The following FRMPD4 variants were observed in gnomAD, a reference collection of about 807,000 sequenced individuals.
FRMPD4 encodes the protein FERM and PDZ domain-containing protein 4.
FRMPD4 carries 22 observed loss-of-function variants against 94.1 expected under a neutral mutation model. The observed-to-expected ratio is 0.23, with a 90% CI of 0.17 to 0.33. The LOEUF is 0.33. Ranked by LOEUF, FRMPD4 falls within the 10% of genes least tolerant of loss-of-function variation. The pLI is 1.00. For missense variants in FRMPD4, 1,111 were observed against 1,339.9 expected, an observed-to-expected ratio of 0.83 and a Z score of 2.67; for synonymous variants, 631 against 548.6, an observed-to-expected ratio of 1.15 and a Z score of -2.10.
At chrX:12,233,080 C>T (rs978541930) in intron 1 of FRMPD4, among the ~76,000 whole-genome samples, 3 of 112,122 alleles carry the variant, frequency 2.7e-5, no homozygotes, top group South Asian at 3.7e-4. Context: ...TCCCACTCTA[C>T]GCTCTTGTTC....
chrX:12,481,972 G>A (rs866006481), intron 1 of FRMPD4, among the ~76,000 whole-genome samples: 4,947 of 34,563 alleles, frequency 0.14, 3 homozygotes, highest in Non-Finnish European at 0.18. Context: ...AAAAAAAAAA[G>A]AAAGTGTTAT....
chrX:12,417,993 CA>C (rs757060426), intron 1 of FRMPD4, among the ~76,000 whole-genome samples: 92 of 34,050 alleles, frequency 2.7e-3, no homozygotes, highest in Middle Eastern at 0.038. Flanking sequence ...GACTCTGTCT[CA>C]AAAAAAAAAA....
rs1286648535 is a variant in FRMPD4, at chrX:12,040,547, G to A, written c.95+162529G>A. ...TCATTATTGATATAGTTGGATTTATGTCTGCCTTTTTTTTTTTTTTTTTTT... is the reference window on the plus strand; with the variant it reads ...TCATTATTGATATAGTTGGATTTATATCTGCCTTTTTTTTTTTTTTTTTTT... On this transcript the variant is annotated intron_variant, in intron 3 of 18. Transcript: ENST00000640291. 3.5e-5 allele frequency among the ~76,000 whole-genome samples: 3 copies of A among 86,584 alleles called. No homozygotes were observed. In the Admixed American group the frequency reaches 4.0e-4, roughly 12 times the overall value. 75.2% of individuals were successfully genotyped at this position (86,584 alleles called of 115,157 possible). A position where few individuals can be genotyped will look rare whatever the true frequency, so the allele number is the denominator to read the frequency against.
intron 1 of FRMPD4, among the ~76,000 whole-genome samples, chrX:12,315,971 G>A (rs992880712): frequency 1.8e-5 from 2 of 111,555 alleles, no homozygotes; most frequent in African/African-American, 3.3e-5. Flanking sequence ...CCATAATAAA[G>A]AATTATCTAG....
chrX:12,116,040 A>G (rs914547583), intron 3 of FRMPD4, among the ~76,000 whole-genome samples: 1 of 112,377 alleles, frequency 8.9e-6, no homozygotes, highest in Admixed American at 9.4e-5. Context: ...GTTCCCCATC[A>G]GTCTTACTAT....
chrX:11,974,326 C>G (rs756957666), intron 3 of FRMPD4, among the ~76,000 whole-genome samples: 2 of 110,788 alleles, frequency 1.8e-5, no homozygotes, highest in South Asian at 7.9e-4. Context: ...CAGAGCCTGG[C>G]ACCTCCCACT....
At chrX:12,221,521 T>G (rs1460310558) in intron 1 of FRMPD4, among the ~76,000 whole-genome samples, 5 of 112,277 alleles carry the variant, frequency 4.5e-5, no homozygotes, top group Non-Finnish European at 9.4e-5. Context: ...AAGAGGTGAT[T>G]ACTGTGAGCT....
chrX:11,894,450 A>G (rs1322540158), intron 3 of FRMPD4, among the ~76,000 whole-genome samples: 1 of 112,518 alleles, frequency 8.9e-6, no homozygotes, highest in African/African-American at 3.2e-5. Context: ...ATTGGAATGT[A>G]CAAATGAAAG....
At chrX:11,880,673 C>T (rs183183435) in intron 3 of FRMPD4, among the ~76,000 whole-genome samples, 18 of 111,338 alleles carry the variant, frequency 1.6e-4, no homozygotes, top group Admixed American at 1.4e-3. Flanking sequence ...GACAGAGTCT[C>T]ACTCTGTCAC....
intron 3 of FRMPD4, among the ~76,000 whole-genome samples, chrX:12,045,600 C>T (rs2054780975): frequency 9.0e-6 from 1 of 110,770 alleles, no homozygotes; most frequent in African/African-American, 3.3e-5. Context: ...CTGCAAGAGC[C>T]CATGTTGAGA....
chrX:12,126,441 T>C (rs1270581685), intron 3 of FRMPD4, among the ~76,000 whole-genome samples: 1 of 111,179 alleles, frequency 9.0e-6, no homozygotes, highest in Non-Finnish European at 1.9e-5. Context: ...TTATGAGAGG[T>C]AGATTTTAGT....
At chrX:12,622,009 A>AG (rs1491481105) in intron 4 of FRMPD4, among the ~76,000 whole-genome samples, 57 of 50,666 alleles carry the variant, frequency 1.1e-3, no homozygotes, top group East Asian at 3.3e-3. Flanking sequence ...AAAGAAAGAA[A>AG]GAAAGAAAGG....
intron 1 of FRMPD4, among the ~76,000 whole-genome samples, chrX:12,276,931 C>T (rs771877352): frequency 1.8e-5 from 2 of 109,236 alleles, no homozygotes; most frequent in East Asian, 5.7e-4. Flanking sequence ...ACCATCCCGG[C>T]TAAAATGGTG....
intron 1 of FRMPD4, among the ~76,000 whole-genome samples, chrX:12,198,087 A>C (rs759326233): frequency 8.9e-6 from 1 of 112,224 alleles, no homozygotes; most frequent in South Asian, 3.7e-4. Context: ...AAACATATAC[A>C]GATTAATTCT....
At chrX:11,851,036 A>C (rs999051295) in intron 1 of FRMPD4, among the ~76,000 whole-genome samples, 3 of 111,687 alleles carry the variant, frequency 2.7e-5, no homozygotes, top group African/African-American at 6.5e-5. Flanking sequence ...TAGTGAAGCT[A>C]TTGATGTTCA....
chrX:12,694,261 G>A (rs1282733292), intron 8 of FRMPD4, 74 bp from the exon 9 acceptor site: 2 of 864,982 alleles, frequency 2.3e-6, no homozygotes, highest in African/African-American at 4.0e-5. Flanking sequence ...AAAAAAAGTC[G>A]ACTGCTTCAG....
chrX:12,085,379 A>T lies in FRMPD4; in HGVS notation c.95+207361A>T, dbSNP rs747063435. 1.8e-3 allele frequency among the ~76,000 whole-genome samples: 200 copies of T among 111,350 alleles called. No individual in the cohort carries two copies. In the Middle Eastern group the frequency reaches 0.042, roughly 23 times the overall value. On this transcript the variant is annotated intron_variant, in intron 3 of 18. Transcript: ENST00000640291. ...ATAATACCCCTTAATGAATTTTTTT[A>T]AAAAAATAGCTAGATGCAGTGTCTC...
At chrX:11,963,737 G>A (rs1426906805) in intron 3 of FRMPD4, among the ~76,000 whole-genome samples, 1 of 111,698 alleles carries the variant, frequency 9.0e-6, no homozygotes, top group Non-Finnish European at 1.9e-5. Context: ...TACAAAAGTG[G>A]GGAAAGGCTA....
At chrX:12,651,156 A>G (rs2059591905) in intron 4 of FRMPD4, among the ~76,000 whole-genome samples, 1 of 112,400 alleles carries the variant, frequency 8.9e-6, no homozygotes, top group African/African-American at 3.2e-5. Context: ...CTTCACGGAC[A>G]AGGGCGCAAG....
Sources: allele counts gnomAD v4.1 joint callset (sites outside exome capture counted in the v4.1 genomes callset), GRCh38; gene constraint gnomAD v4.1.1; transcripts MANE v1.5; gene names NCBI Gene and HGNC (gene_info 2026-07-23, HGNC 2026-07-21).